ZFPM2: variants seen among roughly 807,000 people sequenced by gnomAD.
ZFPM2 encodes zinc finger protein, FOG family member 2, also known as zinc finger protein ZFPM2.
ZFPM2 carries 20 observed loss-of-function variants against 98.6 expected under a neutral mutation model. That is an observed-to-expected ratio of 0.20 (90% CI 0.14 to 0.29). The LOEUF (loss-of-function observed/expected upper bound fraction) is 0.29, where lower values mean the gene tolerates loss of function less well. ZFPM2 is among the 10% of genes least tolerant of loss of function. The pLI, the probability that ZFPM2 is intolerant of heterozygous loss-of-function variation, is 1.00. For missense variants in ZFPM2, 1,310 were observed against 1,388.6 expected, an observed-to-expected ratio of 0.94 and a Z score of 0.90; for synonymous variants, 518 against 502.7, an observed-to-expected ratio of 1.03 and a Z score of -0.41.
intron 4 of ZFPM2, among the ~76,000 whole-genome samples, chr8:105,575,323 T>A (rs1815441216): frequency 6.6e-6 from 1 of 152,196 alleles, no homozygotes; most frequent in Non-Finnish European, 1.5e-5. Context: ...TGAGCCGTTG[T>A]ATCACCCCCC....
At position 105,458,422 on chromosome 8, in the gene ZFPM2, TA is replaced by T. The variant is rs932154798; in HGVS notation, c.301+14053del. 7.7e-3 allele frequency among the ~76,000 whole-genome samples: 1,148 copies of T among 148,744 alleles called. 6 individuals are homozygous for T. The highest frequency in any genetic ancestry group is 0.025 in the African/African-American group (1,007 of 40,832). ...ACAACTTTACCGATGGAATGAAATT[TA>T]AAAAAAAAAAATTTGTTTTCCCCCC... On this transcript the variant is annotated intron_variant, in intron 3 of 7. Transcript: ENST00000407775.
intron 4 of ZFPM2, among the ~76,000 whole-genome samples, chr8:105,566,417 G>A (rs952668542): frequency 2.0e-5 from 3 of 152,154 alleles, no homozygotes; most frequent in African/African-American, 7.2e-5. Flanking sequence ...AAAATCAAAG[G>A]ACTACTGATG....
chr8:105,424,829 G>A (rs34786758), intron 2 of ZFPM2, among the ~76,000 whole-genome samples: 65,281 of 151,896 alleles, frequency 0.43, 15,452 homozygotes, highest in African/African-American at 0.64. Context: ...GCAAAAGTCA[G>A]TCCCCACTCT....
chr8:105,579,337 A>C (rs938478910), intron 4 of ZFPM2, among the ~76,000 whole-genome samples: 5 of 152,198 alleles, frequency 3.3e-5, no homozygotes, highest in African/African-American at 1.2e-4. Context: ...TAAGATTTTT[A>C]AAAAGAACTT....
intron 1 of ZFPM2, chr8:105,358,500 G>A (rs1812792273): frequency 6.6e-6 from 1 of 152,274 alleles, no homozygotes; most frequent in South Asian, 2.1e-4. Flanking sequence ...AGTGTGGTCA[G>A]TGCACGGACC....
intron 5 of ZFPM2, among the ~76,000 whole-genome samples, chr8:105,709,044 C>T (rs1174162321): frequency 6.6e-6 from 1 of 152,098 alleles, no homozygotes; most frequent in Middle Eastern, 3.2e-3. Context: ...TGGTGCTGAC[C>T]AAATAACTAT....
At chr8:105,609,505 G>A (rs1267785971) in intron 4 of ZFPM2, among the ~76,000 whole-genome samples, 2 of 152,136 alleles carry the variant, frequency 1.3e-5, no homozygotes, top group African/African-American at 4.8e-5. Context: ...CATTTTAATT[G>A]TATTATACAA....
chr8:105,571,487 G>A (rs1287361383), intron 4 of ZFPM2, among the ~76,000 whole-genome samples: 1 of 152,246 alleles, frequency 6.6e-6, no homozygotes, highest in Non-Finnish European at 1.5e-5. Flanking sequence ...TGTTCATGGA[G>A]TTGACCAAAC....
chr8:105,605,643 AT>A (rs1201982994), intron 4 of ZFPM2, among the ~76,000 whole-genome samples: 12 of 152,058 alleles, frequency 7.9e-5, no homozygotes, highest in Admixed American at 6.6e-5. Context: ...TGAGTATGAC[AT>A]TTTTTATCTA....
chr8:105,583,373 G>T (rs1448703943), intron 4 of ZFPM2, among the ~76,000 whole-genome samples: 1 of 151,756 alleles, frequency 6.6e-6, no homozygotes, highest in Non-Finnish European at 1.5e-5. Context: ...TGCATAATGG[G>T]TGTGAAAAAA....
chr8:105,572,330 C>T (rs190669090), intron 4 of ZFPM2, among the ~76,000 whole-genome samples: 1 of 152,158 alleles, frequency 6.6e-6, no homozygotes, highest in Non-Finnish European at 1.5e-5. Flanking sequence ...GCCACCACAC[C>T]TAGCCTCTTG....
At chr8:105,492,447 G>C (rs1162145542) in intron 3 of ZFPM2, among the ~76,000 whole-genome samples, 1 of 151,948 alleles carries the variant, frequency 6.6e-6, no homozygotes, top group Non-Finnish European at 1.5e-5. Flanking sequence ...ATACTATTTT[G>C]TACAAAATGC....
chr8:105,570,091 A>G (rs1160701461), intron 4 of ZFPM2, among the ~76,000 whole-genome samples: 2 of 152,024 alleles, frequency 1.3e-5, no homozygotes, highest in Admixed American at 1.3e-4. Flanking sequence ...GAAATTCATT[A>G]TTGATGGAGG....
intron 4 of ZFPM2, among the ~76,000 whole-genome samples, chr8:105,624,056 C>A (rs148149202): frequency 1.3e-5 from 2 of 152,010 alleles, no homozygotes; most frequent in African/African-American, 4.8e-5. Flanking sequence ...ATAATAATAT[C>A]GTTATGAAAC....
At chr8:105,564,724 G>T (rs569671080) in intron 4 of ZFPM2, among the ~76,000 whole-genome samples, 1 of 152,150 alleles carries the variant, frequency 6.6e-6, no homozygotes, top group Non-Finnish European at 1.5e-5. Context: ...TGATAAAATT[G>T]TTGATGATTT....
chr8:105,529,819 C>T (rs1425994450), intron 3 of ZFPM2, among the ~76,000 whole-genome samples: 3 of 151,932 alleles, frequency 2.0e-5, no homozygotes, highest in Admixed American at 1.3e-4. Context: ...CAACCTCTGC[C>T]TCCCAGGATC....
At chr8:105,654,126 A>C (rs944106971) in intron 5 of ZFPM2, among the ~76,000 whole-genome samples, 1 of 151,850 alleles carries the variant, frequency 6.6e-6, no homozygotes, top group Non-Finnish European at 1.5e-5. Context: ...ATAAGTACTT[A>C]GGGGAAACAC....
intron 3 of ZFPM2, among the ~76,000 whole-genome samples, chr8:105,519,259 G>T (rs1285659926): frequency 6.6e-6 from 1 of 152,048 alleles, no homozygotes; most frequent in Non-Finnish European, 1.5e-5. Context: ...TATAATTGGT[G>T]GGTGAGAAGA....
At chr8:105,546,583 A>C (rs866491098) in intron 3 of ZFPM2, among the ~76,000 whole-genome samples, 2 of 149,736 alleles carry the variant, frequency 1.3e-5, no homozygotes, top group African/African-American at 2.5e-5. Flanking sequence ...AAAAAAAAAA[A>C]ACAAACCCAA....
Sources: allele counts gnomAD v4.1 joint callset (sites outside exome capture counted in the v4.1 genomes callset), GRCh38; gene constraint gnomAD v4.1.1; transcripts MANE v1.5; gene names NCBI Gene and HGNC (gene_info 2026-07-23, HGNC 2026-07-21).